TBC1D22B: variants seen among roughly 807,000 people sequenced by gnomAD.
TBC1D22B encodes the protein TBC1 domain family member 22B, also known as chromosome 6 open reading frame 197.
In TBC1D22B, 32 loss-of-function variants were observed where a neutral mutation model predicts 69.1. The observed-to-expected ratio is 0.46, with a 90% CI of 0.35 to 0.62. The LOEUF (loss-of-function observed/expected upper bound fraction) is 0.62. TBC1D22B is among the 20% of genes least tolerant of loss of function. The pLI is 0.00. For missense variants in TBC1D22B, 462 were observed against 630.9 expected (o/e 0.73, Z 2.87); for synonymous variants, 206 against 229.8 (o/e 0.90, Z 0.94).
chr6:37,273,957 A>T (rs1210312309), intron 2 of TBC1D22B, among the ~76,000 whole-genome samples: 1 of 152,242 alleles, frequency 6.6e-6, no homozygotes, highest in Non-Finnish European at 1.5e-5. Flanking sequence ...TCTAAACTGC[A>T]CAAGCACAGT....
At chr6:37,327,198 G>A (rs920900632) in intron 12 of TBC1D22B, among the ~76,000 whole-genome samples, 2 of 94,974 alleles carry the variant, frequency 2.1e-5, no homozygotes, top group Non-Finnish European at 4.0e-5. Context: ...TTGAGATAGG[G>A]CCGGGCGCGG....
At chr6:37,276,301 TG>T (rs1235570460) in intron 2 of TBC1D22B, among the ~76,000 whole-genome samples, 1 of 152,084 alleles carries the variant, frequency 6.6e-6, no homozygotes, top group Non-Finnish European at 1.5e-5. Context: ...TCACCAACCT[TG>T]TTTTGTCCTC....
chr6:37,316,999 T>G, intron 11 of TBC1D22B, 112 bp from the exon 12 acceptor site: 1 of 1,455,434 alleles, frequency 6.9e-7, no homozygotes, highest in Non-Finnish European at 9.4e-7. Context: ...CAGAACTCCA[T>G]CTCCCCAACC....
chr6:37,275,298 CTA>C (rs1766633813), intron 2 of TBC1D22B, among the ~76,000 whole-genome samples: 1 of 152,098 alleles, frequency 6.6e-6, no homozygotes, highest in Non-Finnish European at 1.5e-5. Context: ...TCAGAATAGG[CTA>C]TGTGTGTCAG....
intron 10 of TBC1D22B, among the ~76,000 whole-genome samples, chr6:37,316,423 C>T (rs1222955211): frequency 6.6e-6 from 1 of 152,230 alleles, no homozygotes; most frequent in Non-Finnish European, 1.5e-5. Context: ...TCATTATCCT[C>T]TGCTTTGTGG....
intron 12 of TBC1D22B, chr6:37,324,534 C>T (rs1044611517): frequency 4.7e-5 from 16 of 339,850 alleles, no homozygotes; most frequent in East Asian, 2.3e-4. Flanking sequence ...CATTAGTAAA[C>T]GAAGAAGTTG....
intron 8 of TBC1D22B, among the ~76,000 whole-genome samples, chr6:37,294,862 G>A (rs62406637): frequency 0.042 from 6,328 of 152,242 alleles, 190 homozygotes; most frequent in Non-Finnish European, 0.067. Context: ...CCAACACAGC[G>A]TCTGTTCTGC....
At chr6:37,307,253 A>G (rs997203406) in intron 8 of TBC1D22B, among the ~76,000 whole-genome samples, 12 of 151,506 alleles carry the variant, frequency 7.9e-5, no homozygotes, top group African/African-American at 2.9e-4. Flanking sequence ...TGAATGAAAT[A>G]TTTGTTGCTG....
chr6:37,298,239 C>T (rs1356502266), intron 8 of TBC1D22B, among the ~76,000 whole-genome samples: 1 of 152,132 alleles, frequency 6.6e-6, no homozygotes, highest in African/African-American at 2.4e-5. Flanking sequence ...AACAAACACA[C>T]ACCCACCTCC....
Position 37,257,903 on chromosome 6 carries a change from C to T in TBC1D22B, c.-15C>T. On this transcript the variant is annotated 5_prime_UTR_variant, in exon 1 of 13. Transcript: ENST00000373491. Reference sequence around the variant, plus strand: ...ACCCTTGGCCCGCCTACAAGGACTTCCCCCGGCCAGAGCAATGGCCGCTGA... The same window carrying T: ...ACCCTTGGCCCGCCTACAAGGACTTTCCCCGGCCAGAGCAATGGCCGCTGA... 1 of 1,612,732 alleles carries T rather than the reference C, an allele frequency of 6.2e-7. No individual in the cohort carries two copies. Among genetic ancestry groups the T allele is most frequent in the Non-Finnish European group, 8.5e-7 (1 of 1,179,444 alleles).
chr6:37,297,715 A>G (rs1767427331), intron 8 of TBC1D22B, among the ~76,000 whole-genome samples: 1 of 152,218 alleles, frequency 6.6e-6, no homozygotes, highest in Non-Finnish European at 1.5e-5. Flanking sequence ...AAAAATCAAA[A>G]CAACATTCTA....
chr6:37,310,154 A>T (rs988679127), intron 8 of TBC1D22B, among the ~76,000 whole-genome samples: 3 of 147,112 alleles, frequency 2.0e-5, no homozygotes, highest in African/African-American at 7.4e-5. Flanking sequence ...ATCTATATAG[A>T]TATACTTACA....
chr6:37,302,993 C>T (rs1767612600), intron 8 of TBC1D22B, among the ~76,000 whole-genome samples: 1 of 152,188 alleles, frequency 6.6e-6, no homozygotes, highest in Non-Finnish European at 1.5e-5. Flanking sequence ...GCTGTTTGTG[C>T]TCCAGCCATC....
At chr6:37,295,551 C>T in intron 8 of TBC1D22B, 1 of 395,978 alleles carries the variant, frequency 2.5e-6, no homozygotes. Flanking sequence ...GCTGGCATGT[C>T]TTCTGAGTCT....
chr6:37,306,756 A>G (rs1027259346), intron 8 of TBC1D22B, among the ~76,000 whole-genome samples: 8 of 152,256 alleles, frequency 5.3e-5, no homozygotes, highest in Admixed American at 1.3e-4. Context: ...TATACTGAGC[A>G]GCCAGAGTTC....
At chr6:37,281,898 TAG>T (rs1244170694) in intron 3 of TBC1D22B, among the ~76,000 whole-genome samples, 1 of 152,192 alleles carries the variant, frequency 6.6e-6, no homozygotes, top group Admixed American at 6.5e-5. Flanking sequence ...TTAGCACCTT[TAG>T]AGTCACCAAA....
Position 37,295,933 on chromosome 6 carries a change from A to G in TBC1D22B, c.982+4576A>G, listed in dbSNP as rs1035495428. 4.6e-5 allele frequency among the ~76,000 whole-genome samples: 7 copies of G among 152,342 alleles called. No individual in the cohort carries two copies. In the South Asian group the frequency reaches 1.4e-3, roughly 32 times the overall value. On this transcript the variant is annotated intron_variant, in intron 8 of 12. Coordinates refer to ENST00000373491, the MANE Select transcript of TBC1D22B (RefSeq NM_017772.4). ...AAGGAAAAATCAATCAATGTGGCCA[A>G]CTTCATTACTGTCTTGTTTAAGAAA...
At chr6:37,318,267 A>C (rs192034912) in intron 12 of TBC1D22B, among the ~76,000 whole-genome samples, 123 of 152,302 alleles carry the variant, frequency 8.1e-4, no homozygotes, top group African/African-American at 2.9e-3. Context: ...AGCCAACAAG[A>C]TTTCCTGATG....
chr6:37,317,696 G>A (rs1768123061), intron 12 of TBC1D22B, among the ~76,000 whole-genome samples: 1 of 152,180 alleles, frequency 6.6e-6, no homozygotes, highest in South Asian at 2.1e-4. Context: ...GTTTTATTAG[G>A]TGGTAGAGAA....
Sources: gnomAD v4.1 joint callset for allele counts (sites outside exome capture counted in the v4.1 genomes callset) on GRCh38, gnomAD v4.1.1 for gene constraint, MANE v1.5 for transcripts, NCBI Gene and HGNC (gene_info 2026-07-23, HGNC 2026-07-21) for gene names.